The following CDK14 variants were observed in gnomAD, a reference collection of about 807,000 sequenced individuals.
The protein encoded by CDK14 is cyclin dependent kinase 14, also known as cyclin-dependent kinase 14.
In CDK14, 34 loss-of-function variants were observed where a neutral mutation model predicts 60.7. The ratio of observed to expected loss-of-function variants is 0.56; its 90% CI spans 0.43 to 0.75. The LOEUF is 0.75. Ranked by LOEUF, CDK14 falls within the 30% of genes least tolerant of loss-of-function variation. CDK14 has a pLI of 0.00. For missense variants in CDK14, 482 were observed against 564.1 expected (o/e 0.85, Z 1.47); for synonymous variants, 197 against 203.7 (o/e 0.97, Z 0.28).
chr7:91,173,737 C>A (rs1022924013), intron 14 of CDK14, among the ~76,000 whole-genome samples: 1 of 152,168 alleles, frequency 6.6e-6, no homozygotes, highest in Non-Finnish European at 1.5e-5. Context: ...CCCAATACCG[C>A]GCTTTTCCGA....
At chr7:90,709,197 T>C (rs1299306746) in intron 2 of CDK14, 3 of 263,074 alleles carry the variant, frequency 1.1e-5, no homozygotes, top group Non-Finnish European at 2.1e-5. Context: ...GTGGTTATTT[T>C]AGACTTCTCA....
intron 2 of CDK14, among the ~76,000 whole-genome samples, chr7:90,633,472 T>A (rs933030826): frequency 1.3e-5 from 2 of 152,226 alleles, no homozygotes; most frequent in Non-Finnish European, 2.9e-5. Flanking sequence ...TATTTTTATT[T>A]GTAACAATTC....
intron 3 of CDK14, among the ~76,000 whole-genome samples, chr7:90,736,030 A>C (rs1355139486): frequency 6.6e-6 from 1 of 152,100 alleles, no homozygotes; most frequent in Non-Finnish European, 1.5e-5. Context: ...GCCAGAGTGC[A>C]CTGTTCCTCC....
intron 2 of CDK14, among the ~76,000 whole-genome samples, chr7:90,711,125 A>G (rs1366441619): frequency 6.6e-6 from 1 of 152,122 alleles, no homozygotes; most frequent in Non-Finnish European, 1.5e-5. Flanking sequence ...CAGAACTGGC[A>G]TGTAGCCAGT....
At chr7:90,733,387 T>A (rs1291277783) in intron 3 of CDK14, among the ~76,000 whole-genome samples, 1 of 152,206 alleles carries the variant, frequency 6.6e-6, no homozygotes, top group South Asian at 2.1e-4. Context: ...GTCCTAGATA[T>A]TTTTGTTAAT....
intron 2 of CDK14, among the ~76,000 whole-genome samples, chr7:90,667,165 A>G (rs140516465): frequency 7.2e-4 from 110 of 152,342 alleles, no homozygotes; most frequent in African/African-American, 2.4e-3. Flanking sequence ...TCACTCTTAT[A>G]GTCATCATTG....
At chr7:91,044,742 C>G (rs1797185580) in intron 10 of CDK14, among the ~76,000 whole-genome samples, 2 of 152,044 alleles carry the variant, frequency 1.3e-5, no homozygotes, top group South Asian at 4.2e-4. Context: ...TATCTCTTGC[C>G]CTTTCTAACC....
intron 6 of CDK14, among the ~76,000 whole-genome samples, chr7:90,869,211 C>G (rs1479107573): frequency 6.6e-6 from 1 of 152,164 alleles, no homozygotes; most frequent in African/African-American, 2.4e-5. Flanking sequence ...CTGCTTTCCT[C>G]TGAGATAGAT....
At chr7:90,928,238 C>T (rs1793484425) in intron 8 of CDK14, among the ~76,000 whole-genome samples, 1 of 152,210 alleles carries the variant, frequency 6.6e-6, no homozygotes, top group Non-Finnish European at 1.5e-5. Flanking sequence ...AAGTCATTCT[C>T]CGTCCAGCTT....
intron 10 of CDK14, among the ~76,000 whole-genome samples, chr7:91,045,482 G>A (rs1176202387): frequency 6.6e-6 from 1 of 152,104 alleles, no homozygotes; most frequent in African/African-American, 2.4e-5. Flanking sequence ...AGAGGATGTG[G>A]GGTAGAAATG....
At chr7:90,842,420 T>C (rs1361838943) in intron 5 of CDK14, among the ~76,000 whole-genome samples, 2 of 152,178 alleles carry the variant, frequency 1.3e-5, no homozygotes, top group Non-Finnish European at 2.9e-5. Flanking sequence ...GCAGTGAGAA[T>C]GTGCACCAGA....
At chr7:90,611,418 G>A (rs144052143) in intron 2 of CDK14, among the ~76,000 whole-genome samples, 2 of 152,304 alleles carry the variant, frequency 1.3e-5, no homozygotes, top group South Asian at 2.1e-4. Flanking sequence ...ATTAATTCTT[G>A]TATTTCCCCA....
intron 12 of CDK14, among the ~76,000 whole-genome samples, chr7:91,085,366 C>T (rs1382896654): frequency 6.6e-6 from 1 of 152,158 alleles, no homozygotes; most frequent in Non-Finnish European, 1.5e-5. Context: ...CTGCATGCTT[C>T]ATCACATAGC....
rs549161058 is a variant in CDK14 at position 90,836,913 on chromosome 7, C to T, written c.545-26262C>T. On this transcript the variant is annotated intron_variant, in intron 5 of 14. Transcript: ENST00000380050. ...CATTGACCAAAATGTCATTATGCAGCATGTAACTGTATATTGTTTCTGTAC... is the reference window on the plus strand; with the variant it reads ...CATTGACCAAAATGTCATTATGCAGTATGTAACTGTATATTGTTTCTGTAC... Among the ~76,000 whole-genome samples, 33 of 152,310 alleles carry T rather than the reference C, an allele frequency of 2.2e-4. No homozygotes were observed. The South Asian group carries it at 6.8e-3, about 32-fold the overall frequency.
chr7:90,859,932 G>GT (rs953919813), intron 5 of CDK14, among the ~76,000 whole-genome samples: 2 of 151,888 alleles, frequency 1.3e-5, no homozygotes, highest in Non-Finnish European at 1.5e-5. Context: ...TAGGCAGAAT[G>GT]TTTTTTTGTT....
rs1184880353 is a variant in CDK14 at position 91,186,241 on chromosome 7, CCCTCTCCTCT to C, written c.*29-20919_*29-20910del. On this transcript the variant is annotated intron_variant, in intron 14 of 14. Transcript: ENST00000380050. ...CCCTCCCCTCTCCTCTCCTCCCCTC[CCCTCTCCTCT>C]CCTCCCCTCCCCTCTCCTCTCCTCC... 4.7e-4 allele frequency among the ~76,000 whole-genome samples: 5 copies of C among 10,612 alleles called. 1 individual carries two copies. The highest frequency in any genetic ancestry group is 1.4e-3 in the Admixed American group (2 of 1,450). 7.0% of individuals were successfully genotyped at this position (10,612 alleles called of 152,430 possible).
At chr7:90,872,712 G>C (rs1009608532) in intron 6 of CDK14, among the ~76,000 whole-genome samples, 2 of 132,150 alleles carry the variant, frequency 1.5e-5, no homozygotes, top group African/African-American at 5.6e-5. Context: ...TTATGTGATT[G>C]CTCTCCTTAT....
intron 2 of CDK14, among the ~76,000 whole-genome samples, chr7:90,721,635 T>C (rs1802458239): frequency 6.6e-6 from 1 of 152,120 alleles, no homozygotes; most frequent in Non-Finnish European, 1.5e-5. Flanking sequence ...TTTCCAAAGA[T>C]TTCTTCCTTT....
Position 90,918,240 on chromosome 7 carries a change from A to G in CDK14, c.826+516A>G, listed in dbSNP as rs75467373. Among the ~76,000 whole-genome samples the G allele has an allele frequency of 9.9e-3, 1,505 of 152,310 alleles. 24 individuals are homozygous for G. Among genetic ancestry groups the G allele is most frequent in the African/African-American group, 0.033 (1,380 of 41,560 alleles). On this transcript the variant is annotated intron_variant, in intron 8 of 14. Transcript: ENST00000380050. ...TGTACATTGCCCTGAGGCTTTAATAACTAGAAATCTAGATGTAGTGTTAAC... is the reference window on the plus strand; with the variant it reads ...TGTACATTGCCCTGAGGCTTTAATAGCTAGAAATCTAGATGTAGTGTTAAC...
Sources: allele counts gnomAD v4.1 joint callset (sites outside exome capture counted in the v4.1 genomes callset), GRCh38; gene constraint gnomAD v4.1.1; transcripts MANE v1.5; gene names NCBI Gene and HGNC (gene_info 2026-07-23, HGNC 2026-07-21).